AGBL3: variants seen among roughly 807,000 people sequenced by gnomAD.
The protein encoded by AGBL3 is cytosolic carboxypeptidase 3.
AGBL3 carries 68 observed loss-of-function variants against 94.5 expected under a neutral mutation model. The ratio of observed to expected loss-of-function variants is 0.72; its 90% confidence interval spans 0.59 to 0.88. The LOEUF (loss-of-function observed/expected upper bound fraction) is 0.88, where lower values mean the gene tolerates loss of function less well. Among genes scored for constraint, AGBL3 ranks in the 40% least tolerant of loss-of-function variants. The probability of loss-of-function intolerance (pLI) is 0.00; values close to 1 mark genes in which losing one functional copy is unlikely to be tolerated. For missense variants in AGBL3, 934 were observed against 1,103.8 expected (o/e 0.85, Z 2.18); for synonymous variants, 354 against 370.7 (o/e 0.95, Z 0.52).
chr7:135,023,188 A>G (rs1814701627), intron 5 of AGBL3, among the ~76,000 whole-genome samples: 1 of 152,180 alleles, frequency 6.6e-6, no homozygotes. Flanking sequence ...TAGAAACTCA[A>G]TGAAGGAGGA....
At chr7:135,037,697 C>G in intron 8 of AGBL3, 117 bp downstream of exon 8, 1 of 740,438 alleles carries the variant, frequency 1.4e-6, no homozygotes, top group Non-Finnish European at 2.0e-6. Context: ...TTAGTTTGAC[C>G]AGTTTATACA....
At chr7:135,059,577 T>A (rs1818646074) in intron 12 of AGBL3, among the ~76,000 whole-genome samples, 1 of 152,212 alleles carries the variant, frequency 6.6e-6, no homozygotes, top group South Asian at 2.1e-4. Flanking sequence ...CAACTATGTA[T>A]CAGGCACTGG....
At chr7:135,052,147 A>T (rs112503225) in intron 11 of AGBL3, among the ~76,000 whole-genome samples, 13 of 151,968 alleles carry the variant, frequency 8.6e-5, no homozygotes, top group African/African-American at 3.1e-4. Context: ...ATTTTCATTA[A>T]TTTTTTTTAC....
rs186090997 is a variant in AGBL3, at chr7:134,998,365, G to A, written c.310+4687G>A. Among the ~76,000 whole-genome samples, 3 of 152,212 alleles carry A rather than the reference G, an allele frequency of 2.0e-5. No homozygotes were observed. In the East Asian group the frequency reaches 5.8e-4, roughly 29 times the overall value. On this transcript the variant is annotated intron_variant, in intron 4 of 16. Coordinates refer to ENST00000436302, the MANE Select transcript of AGBL3 (RefSeq NM_178563.4). ...TGGGCATCTAGGATAATTAAGCTAA[G>A]AGACTACAGTCTCTTGCTCTGAGCC...
intron 12 of AGBL3, among the ~76,000 whole-genome samples, chr7:135,066,544 A>T (rs1819320614): frequency 6.6e-6 from 1 of 152,230 alleles, no homozygotes; most frequent in Admixed American, 6.5e-5. Flanking sequence ...GCAATTATGG[A>T]AAACAATATG....
At chr7:135,042,131 A>G (rs1308642965) in intron 8 of AGBL3, among the ~76,000 whole-genome samples, 3 of 152,180 alleles carry the variant, frequency 2.0e-5, no homozygotes, top group Admixed American at 1.3e-4. Flanking sequence ...TTTCTTGTAA[A>G]TTGTACACTT....
At chr7:135,056,684 T>C (rs1818373270) in intron 11 of AGBL3, among the ~76,000 whole-genome samples, 1 of 151,910 alleles carries the variant, frequency 6.6e-6, no homozygotes, top group Non-Finnish European at 1.5e-5. Flanking sequence ...GCTACCAAAA[T>C]ATGTGAAAGA....
intron 15 of AGBL3, among the ~76,000 whole-genome samples, chr7:135,086,911 G>C (rs1316160867): frequency 6.6e-6 from 1 of 151,986 alleles, no homozygotes; most frequent in African/African-American, 2.4e-5. Flanking sequence ...AAAAGAGTTT[G>C]AGAAGAACTG....
At chr7:135,045,998 T>G in intron 11 of AGBL3, 87 bp downstream of exon 11, 1 of 954,766 alleles carries the variant, frequency 1.0e-6, no homozygotes, top group Non-Finnish European at 1.6e-6. Flanking sequence ...TTGTCAGTTC[T>G]CAACTGAAAA....
At chr7:134,993,769 C>A in intron 4 of AGBL3, 91 bp downstream of exon 4, 2 of 1,107,110 alleles carry the variant, frequency 1.8e-6, no homozygotes, top group Non-Finnish European at 2.4e-6. Context: ...TGTTAGAAAA[C>A]AGCACATTCC....
intron 4 of AGBL3, among the ~76,000 whole-genome samples, chr7:135,004,476 T>C (rs2133426796): frequency 6.6e-6 from 1 of 151,848 alleles, no homozygotes; most frequent in East Asian, 1.9e-4. Context: ...AATGTTTTAA[T>C]TAATGTTCTT....
At chr7:135,040,887 A>T (rs199676309) in intron 8 of AGBL3, among the ~76,000 whole-genome samples, 1 of 37,630 alleles carries the variant, frequency 2.7e-5, no homozygotes, top group Admixed American at 3.2e-4. Flanking sequence ...CACACACACC[A>T]CACACACACA....
At chr7:135,059,056 C>A in intron 11 of AGBL3, 113 bp from the exon 12 acceptor site, 2 of 840,622 alleles carry the variant, frequency 2.4e-6, no homozygotes, top group Non-Finnish European at 3.7e-6. Context: ...TGCGCCCGGC[C>A]ACTTCTTATA....
chr7:135,097,083 C>G (rs11768126), intron 15 of AGBL3, among the ~76,000 whole-genome samples: 72,616 of 150,642 alleles, frequency 0.48, 17,808 homozygotes, highest in South Asian at 0.66. Flanking sequence ...GGCATACCAC[C>G]CAAATGAATG....
chr7:135,019,986 C>G (rs1814248989), intron 5 of AGBL3, among the ~76,000 whole-genome samples: 3 of 152,128 alleles, frequency 2.0e-5, no homozygotes, highest in African/African-American at 7.2e-5. Context: ...CAATACCATT[C>G]AGGACATAGG....
chr7:135,045,009 C>T (rs1028091869), intron 9 of AGBL3, among the ~76,000 whole-genome samples: 1 of 144,614 alleles, frequency 6.9e-6, no homozygotes, highest in Non-Finnish European at 1.5e-5. Context: ...TGATGATTTC[C>T]AATTTCATCC....
At chr7:135,127,021 A>T (rs533380055) in intron 16 of AGBL3, among the ~76,000 whole-genome samples, 2 of 152,350 alleles carry the variant, frequency 1.3e-5, no homozygotes, top group East Asian at 3.9e-4. Flanking sequence ...GACAAATGGG[A>T]TCTAATTATA....
At chr7:135,009,951 T>C (rs1584813854) in intron 4 of AGBL3, 1 of 416,362 alleles carries the variant, frequency 2.4e-6, no homozygotes, top group East Asian at 7.6e-5. Context: ...ACCTCTTCTA[T>C]GGTGGGTTGG....
chr7:135,040,834 C>T (rs1430022060), intron 8 of AGBL3, among the ~76,000 whole-genome samples: 4 of 147,836 alleles, frequency 2.7e-5, no homozygotes, highest in Non-Finnish European at 6.0e-5. Context: ...GACAGTGGCA[C>T]AATTATCTAC....
Sources: gnomAD v4.1 joint callset for allele counts (sites outside exome capture counted in the v4.1 genomes callset) on GRCh38, gnomAD v4.1.1 for gene constraint, MANE v1.5 for transcripts, NCBI Gene and HGNC (gene_info 2026-07-23, HGNC 2026-07-21) for gene names.